SASH1: variants seen among roughly 807,000 people sequenced by gnomAD.
The protein encoded by SASH1 is SAM and SH3 domain containing 1.
SASH1 carries 44 observed loss-of-function variants against 125.2 expected under a neutral mutation model. That is an observed-to-expected ratio of 0.35 (90% CI 0.28 to 0.45). SASH1 has a LOEUF of 0.45. SASH1 is among the 20% of genes least tolerant of loss of function. SASH1 has a pLI of 1.00. For synonymous variants in SASH1, 639 were observed against 649.1 expected (o/e 0.98, Z 0.24); for missense variants, 1,426 against 1,614.5 (o/e 0.88, Z 2.00).
At chr6:148,435,420 A>G (rs1277842953) in intron 2 of SASH1, among the ~76,000 whole-genome samples, 1 of 151,968 alleles carries the variant, frequency 6.6e-6, no homozygotes. Flanking sequence ...TACACTTAGG[A>G]AACAATAGTG....
At chr6:148,521,809 G>A (rs1780829307) in intron 10 of SASH1, among the ~76,000 whole-genome samples, 1 of 152,062 alleles carries the variant, frequency 6.6e-6, no homozygotes, top group Non-Finnish European at 1.5e-5. Flanking sequence ...ATCTGCTCTT[G>A]TATGTTTTGA....
At chr6:148,311,953 C>T (rs1780343188) in intron 1 of SASH1, among the ~76,000 whole-genome samples, 1 of 152,178 alleles carries the variant, frequency 6.6e-6, no homozygotes, top group African/African-American at 2.4e-5. Flanking sequence ...GAATACGGCT[C>T]AGCAATAAAA....
chr6:148,436,914 G>T (rs1262137329), intron 2 of SASH1, among the ~76,000 whole-genome samples: 2 of 152,176 alleles, frequency 1.3e-5, no homozygotes, highest in Non-Finnish European at 2.9e-5. Flanking sequence ...AGGAGAGAAG[G>T]TTCTTATTTC....
chr6:148,446,588 TG>T (rs1776804713), intron 4 of SASH1, among the ~76,000 whole-genome samples: 1 of 152,176 alleles, frequency 6.6e-6, no homozygotes, highest in Non-Finnish European at 1.5e-5. Flanking sequence ...GGAAGCCAAC[TG>T]TAGGGAGGGC....
intron 5 of SASH1, among the ~76,000 whole-genome samples, chr6:148,470,711 G>A (rs891572274): frequency 3.9e-5 from 6 of 152,158 alleles, no homozygotes; most frequent in Non-Finnish European, 7.3e-5. Flanking sequence ...GTGGGTAGAG[G>A]GAGACCCATT....
chr6:148,433,000 C>G (rs934616033), intron 2 of SASH1, among the ~76,000 whole-genome samples: 1 of 152,192 alleles, frequency 6.6e-6, no homozygotes, highest in Non-Finnish European at 1.5e-5. Context: ...AAAGCACACA[C>G]AGGTACACAT....
At chr6:148,423,335 A>G (rs1230871050) in intron 2 of SASH1, among the ~76,000 whole-genome samples, 1 of 152,220 alleles carries the variant, frequency 6.6e-6, no homozygotes, top group African/African-American at 2.4e-5. Context: ...TTCAGAATGT[A>G]TTGGCTTGCA....
intron 2 of SASH1, among the ~76,000 whole-genome samples, chr6:148,410,099 C>CT (rs869081496): frequency 0.034 from 1,875 of 55,744 alleles, 477 homozygotes; most frequent in African/African-American, 0.039. Flanking sequence ...CAGAGCAGTC[C>CT]TTTTTTTTTT....
At chr6:148,395,041 T>A (rs1164392864) in intron 2 of SASH1, among the ~76,000 whole-genome samples, 5 of 152,346 alleles carry the variant, frequency 3.3e-5, no homozygotes, top group Non-Finnish European at 5.9e-5. Context: ...AAATATGCAG[T>A]AACATATTAG....
chr6:148,519,978 C>T lies in SASH1; in HGVS notation c.1209+85C>T, dbSNP rs2115352553. 15 of 891,018 alleles carry T rather than the reference C, an allele frequency of 1.7e-5. No homozygotes were observed. The highest frequency in any genetic ancestry group is 1.3e-4 in the East Asian group (5 of 37,634). 55.2% of individuals were successfully genotyped at this position (891,018 alleles called of 1,614,324 possible). On this transcript the variant is annotated intron_variant, in intron 10 of 19. Transcript: ENST00000367467. The surrounding 1 kb of genome is among the most constrained non-coding windows in gnomAD (Gnocchi z 4.8). ...GTCCCTGGAGGAGTTTCAGAGTGTC[C>T]GGAAGCAAATCCGCTTGAAGAAAAC...
chr6:148,350,529 T>A (rs966551071), intron 1 of SASH1, among the ~76,000 whole-genome samples: 1 of 152,192 alleles, frequency 6.6e-6, no homozygotes, highest in African/African-American at 2.4e-5. Context: ...AATCCGTAGC[T>A]CAATTTTACA....
At chr6:148,323,514 G>A (rs1329285537) in intron 1 of SASH1, among the ~76,000 whole-genome samples, 1 of 152,096 alleles carries the variant, frequency 6.6e-6, no homozygotes, top group Non-Finnish European at 1.5e-5. Context: ...TCTCTACTAT[G>A]GGCCAGGCTG....
At chr6:148,219,137 C>G in the SASH1 span, among the ~76,000 whole-genome samples, 2 of 152,068 alleles carry the variant, frequency 1.3e-5, no homozygotes, top group Non-Finnish European at 2.9e-5. Flanking sequence ...AAGAGCCTTC[C>G]TAGGAATCAA....
At chr6:148,218,703 G>A in the SASH1 span, among the ~76,000 whole-genome samples, 2 of 152,164 alleles carry the variant, frequency 1.3e-5, no homozygotes, top group Non-Finnish European at 2.9e-5. Context: ...CAGTACTTTG[G>A]AAGAAGTTCT....
intron 1 of SASH1, among the ~76,000 whole-genome samples, chr6:148,381,599 C>T (rs968863773): frequency 2.1e-5 from 3 of 140,938 alleles, no homozygotes; most frequent in Middle Eastern, 8.4e-3. Context: ...CGAACTCCAT[C>T]AGTGCCTTTC....
chr6:148,308,064 A>G (rs565137051), intron 1 of SASH1, among the ~76,000 whole-genome samples: 55 of 152,176 alleles, frequency 3.6e-4, no homozygotes, highest in African/African-American at 1.2e-3. Context: ...TGTCCTCACT[A>G]TCTTTTTGAT....
chr6:148,508,711 C>T, intron 8 of SASH1: 1 of 1,203,408 alleles, frequency 8.3e-7, no homozygotes, highest in Non-Finnish European at 1.1e-6. Flanking sequence ...TGGAGCCTGC[C>T]TGATCATGTA....
rs966508370 is a variant in SASH1 at position 148,533,088 on chromosome 6, A to G, written c.1734+122A>G. On this transcript the variant is annotated intron_variant, in intron 14 of 19. Transcript: ENST00000367467. This position sits in a 1 kb window ranked among gnomAD's most constrained non-coding sequence, Gnocchi z 6.2. ...GTACAGACTGGACAGTATCTTGGCT[A>G]CCTCGATCACTGGTCTCCTCTGTAG... 5.4e-5 allele frequency: 57 copies of G among 1,060,482 alleles called. 2 individuals are homozygous for G. The South Asian group carries it at 8.4e-4, about 16-fold the overall frequency. The allele number at this position is 1,060,482 out of a possible 1,614,324, so 65.7% of individuals were successfully genotyped here. A position where few individuals can be genotyped will look rare whatever the true frequency, so the allele number is the denominator to read the frequency against.
intron 1 of SASH1, among the ~76,000 whole-genome samples, chr6:148,370,997 C>A (rs1047489149): frequency 2.0e-5 from 3 of 152,150 alleles, no homozygotes; most frequent in Non-Finnish European, 4.4e-5. Context: ...GGTGAAGGAT[C>A]TTACCCAGTG....
Sources: allele counts gnomAD v4.1 joint callset (sites outside exome capture counted in the v4.1 genomes callset), GRCh38; gene constraint gnomAD v4.1.1; non-coding constraint Gnocchi (gnomAD v3.1); transcripts MANE v1.5; gene names NCBI Gene and HGNC (gene_info 2026-07-23, HGNC 2026-07-21).